Variants in LRRC7 observed in about 807,000 individuals in gnomAD.
LRRC7 encodes leucine-rich repeat-containing protein 7.
Under a neutral mutation model 175.7 loss-of-function variants are expected in LRRC7, and 23 were observed. The observed-to-expected ratio is 0.13, with a 90% CI of 0.09 to 0.19. The LOEUF (loss-of-function observed/expected upper bound fraction) is 0.19, where lower values mean the gene tolerates loss of function less well. Ranked by LOEUF, LRRC7 falls within the 10% of genes least tolerant of loss-of-function variation. The pLI is 1.00. For missense variants in LRRC7, 1,354 were observed against 1,904.7 expected (o/e 0.71, Z 5.38); for synonymous variants, 685 against 680.9 (o/e 1.01, Z -0.09).
intron 2 of LRRC7, among the ~76,000 whole-genome samples, chr1:69,733,234 C>G (rs1414996368): frequency 6.6e-6 from 1 of 151,954 alleles, no homozygotes; most frequent in African/African-American, 2.4e-5. Context: ...ATTCAGAGCT[C>G]TTTAATGGAA....
At chr1:70,117,790 A>G (rs971886637) in intron 26 of LRRC7, among the ~76,000 whole-genome samples, 1 of 151,992 alleles carries the variant, frequency 6.6e-6, no homozygotes, top group Admixed American at 6.6e-5. Context: ...TTAGGTTGCA[A>G]TTTCCTCAAA....
intron 15 of LRRC7, among the ~76,000 whole-genome samples, chr1:70,019,074 A>G (rs544977775): frequency 3.0e-4 from 46 of 152,126 alleles, no homozygotes; most frequent in Admixed American, 2.5e-3. Context: ...AGGAGCAACT[A>G]TTTCTCTTTA....
In LRRC7 at chr1:69,663,700, A is replaced by ATTTTTTTTTTT. The variant is rs552339451; in HGVS notation, c.3-14659_3-14649dup. 3.0e-4 allele frequency among the ~76,000 whole-genome samples: 20 copies of ATTTTTTTTTTT among 67,742 alleles called. 1 individual carries two copies. Among genetic ancestry groups the ATTTTTTTTTTT allele is most frequent in the African/African-American group, 6.7e-4 (10 of 14,946 alleles). 44.4% of individuals were successfully genotyped at this position (67,742 alleles called of 152,430 possible). On this transcript the variant is annotated intron_variant, in intron 1 of 26. Coordinates refer to ENST00000651989, the MANE Select transcript of LRRC7 (RefSeq NM_001370785.2). ...TGTCTCCATTAGTTCAATCGTTTTAATTTTTTTTTTTTTTTTTTTTTTTTT... is the reference window on the plus strand; with the variant it reads ...TGTCTCCATTAGTTCAATCGTTTTAATTTTTTTTTTTTTTTTTTTTTTTTTTTTTTTTTTTT...
At chr1:69,862,841 A>G (rs1570391212) in intron 7 of LRRC7, among the ~76,000 whole-genome samples, 2 of 151,744 alleles carry the variant, frequency 1.3e-5, no homozygotes, top group African/African-American at 2.4e-5. Context: ...CCACCCCCAA[A>G]CAAGCCCCTG....
At chr1:69,641,685 A>G (rs1654233357) in intron 1 of LRRC7, among the ~76,000 whole-genome samples, 1 of 151,714 alleles carries the variant, frequency 6.6e-6, no homozygotes, top group South Asian at 2.1e-4. Context: ...TAGAAGCTGA[A>G]AAATTAATAA....
intron 1 of LRRC7, among the ~76,000 whole-genome samples, chr1:69,665,143 C>T (rs1004530987): frequency 2.6e-5 from 4 of 151,944 alleles, no homozygotes; most frequent in African/African-American, 7.3e-5. Flanking sequence ...CTGGGTTCTC[C>T]ATTCTGTTAC....
At chr1:70,026,006 C>A (rs1658060542) in intron 17 of LRRC7, among the ~76,000 whole-genome samples, 2 of 151,966 alleles carry the variant, frequency 1.3e-5, no homozygotes, top group East Asian at 1.9e-4. Context: ...GGGGATGTGA[C>A]CAAAATATCA....
At chr1:69,750,089 T>A (rs1334009756) in intron 2 of LRRC7, among the ~76,000 whole-genome samples, 1 of 126,200 alleles carries the variant, frequency 7.9e-6, no homozygotes, top group Non-Finnish European at 1.6e-5. Flanking sequence ...AATAAATAAA[T>A]AAATAATAAT....
At chr1:69,849,730 T>C (rs1431456483) in intron 7 of LRRC7, among the ~76,000 whole-genome samples, 1 of 152,012 alleles carries the variant, frequency 6.6e-6, no homozygotes, top group Non-Finnish European at 1.5e-5. Context: ...CCCCAACTTT[T>C]CCTCCTACCA....
intron 23 of LRRC7, among the ~76,000 whole-genome samples, chr1:70,070,827 C>T (rs138592791): frequency 1.1e-3 from 165 of 152,250 alleles, no homozygotes; most frequent in African/African-American, 3.8e-3. Context: ...GACACCACCT[C>T]GTTAGTAAGG....
At chr1:69,792,283 A>G (rs1250219244) in intron 4 of LRRC7, 123 bp downstream of exon 4, 1 of 619,524 alleles carries the variant, frequency 1.6e-6, no homozygotes. Flanking sequence ...CTGTAGTTTA[A>G]TGCTCTTGTA....
chr1:69,716,204 A>G, intron 2 of LRRC7: 1 of 490,004 alleles, frequency 2.0e-6, no homozygotes, highest in Non-Finnish European at 3.7e-6. Flanking sequence ...CTGCAGAGAC[A>G]GGAATAACTA....
intron 7 of LRRC7, among the ~76,000 whole-genome samples, chr1:69,907,004 T>G (rs200291511): frequency 0.54 from 82,278 of 151,034 alleles, 22,404 homozygotes; most frequent in East Asian, 0.7. Flanking sequence ...TCCTAGGTAT[T>G]TTATTCTCTT....
chr1:69,688,797 C>T (rs17325299), intron 2 of LRRC7, among the ~76,000 whole-genome samples: 21,793 of 152,146 alleles, frequency 0.14, 1,717 homozygotes, highest in Middle Eastern at 0.2. Context: ...GGACCAATCA[C>T]TTTCAAGAGC....
chr1:69,737,234 C>T (rs535336549), intron 2 of LRRC7, among the ~76,000 whole-genome samples: 1 of 152,052 alleles, frequency 6.6e-6, no homozygotes, highest in Non-Finnish European at 1.5e-5. Flanking sequence ...TGAGAGGAAC[C>T]TGGTGGGAGG....
At chr1:69,697,493 T>A (rs926051454) in intron 2 of LRRC7, among the ~76,000 whole-genome samples, 1 of 152,254 alleles carries the variant, frequency 6.6e-6, no homozygotes, top group Non-Finnish European at 1.5e-5. Context: ...AAGTGTTCTC[T>A]GAGTTACAAG....
intron 7 of LRRC7, among the ~76,000 whole-genome samples, chr1:69,844,897 C>T (rs1372846352): frequency 6.6e-6 from 1 of 152,050 alleles, no homozygotes; most frequent in Non-Finnish European, 1.5e-5. Flanking sequence ...ACTTTCAACA[C>T]AGATAAAATT....
intron 25 of LRRC7, among the ~76,000 whole-genome samples, chr1:70,090,328 A>AT (rs1558060189): frequency 1.3e-5 from 2 of 152,078 alleles, no homozygotes; most frequent in East Asian, 3.9e-4. Context: ...CAGAAAACAA[A>AT]TTTTTTATGA....
intron 3 of LRRC7, among the ~76,000 whole-genome samples, chr1:69,764,726 T>TAGACAGACAGACAGACAGACAGACAGAC (rs36159703): frequency 2.8e-5 from 4 of 142,442 alleles, no homozygotes; most frequent in African/African-American, 1.0e-4. Flanking sequence ...GGTAGATAGA[T>TAGACAGACAGACAGACAGACAGACAGAC]AGACAGATAG....
Sources: gnomAD v4.1 joint callset for allele counts (sites outside exome capture counted in the v4.1 genomes callset) on GRCh38, gnomAD v4.1.1 for gene constraint, MANE v1.5 for transcripts, NCBI Gene and HGNC (gene_info 2026-07-23, HGNC 2026-07-21) for gene names.